The following PTAFR variants were observed in gnomAD, a reference collection of about 807,000 sequenced individuals.
PTAFR encodes platelet activating factor receptor, also known as platelet-activating factor receptor.
PTAFR carries 8 observed loss-of-function variants against 14.7 expected under a neutral mutation model. The ratio of observed to expected loss-of-function variants is 0.54; its 90% CI spans 0.32 to 0.98. The LOEUF is 0.98. PTAFR is among the 50% of genes least tolerant of loss of function. PTAFR has a pLI of 0.04. For missense variants in PTAFR, 337 were observed against 451.2 expected, an observed-to-expected ratio of 0.75 and a Z score of 2.29; for synonymous variants, 156 against 176.5, an observed-to-expected ratio of 0.88 and a Z score of 0.92.
chr1:28,161,982 T>C (rs1284131613), intron 1 of PTAFR, among the ~76,000 whole-genome samples: 3 of 152,082 alleles, frequency 2.0e-5, no homozygotes, highest in African/African-American at 7.2e-5. Flanking sequence ...TGTTCTGAAG[T>C]AGGAACAAGA....
chr1:28,170,482 T>TTGCTTGAGGTCAGGAGTTTAAGACC (rs1553165391), intron 1 of PTAFR, among the ~76,000 whole-genome samples: 3 of 152,038 alleles, frequency 2.0e-5, no homozygotes, highest in African/African-American at 7.2e-5. Flanking sequence ...GGTAAGAGAA[T>TTGCTTGAGGTCAGGAGTTTAAGACC]TGCTTGAGGT....
At chr1:28,170,687 G>A (rs1415121596) in intron 1 of PTAFR, among the ~76,000 whole-genome samples, 1 of 151,568 alleles carries the variant, frequency 6.6e-6, no homozygotes, top group East Asian at 1.9e-4. Flanking sequence ...GGGCAACAGA[G>A]CAAGACCCTA....
At chr1:28,192,840 T>A (rs1410183976) in intron 1 of PTAFR, among the ~76,000 whole-genome samples, 1 of 152,034 alleles carries the variant, frequency 6.6e-6, no homozygotes, top group East Asian at 1.9e-4. Flanking sequence ...AGAAACATGG[T>A]TTCACCATGT....
rs80188723 is a variant in PTAFR, at chr1:28,183,289, G to A, written c.-39+10433C>T. 5.3e-5 allele frequency among the ~76,000 whole-genome samples: 8 copies of A among 152,180 alleles called. No individual in the cohort carries two copies. In the East Asian group the frequency reaches 5.8e-4, roughly 11 times the overall value. ...CTCCAACAACAATGAAGATGCTGGC[G>A]TAAAAGATGCTTATACATTTGTTTC... On this transcript the variant is annotated intron_variant, in intron 1 of 1. Transcript: ENST00000305392.
chr1:28,188,745 C>A (rs904857406), intron 1 of PTAFR, among the ~76,000 whole-genome samples: 6 of 151,706 alleles, frequency 4.0e-5, no homozygotes, highest in East Asian at 1.9e-4. Context: ...AAAACAAAAA[C>A]CAAAAACTGA....
upstream of PTAFR, chr1:28,177,321 G>C (rs1467461125): frequency 6.6e-6 from 1 of 152,400 alleles, no homozygotes; most frequent in African/African-American, 2.4e-5. Flanking sequence ...AGCCACTGTG[G>C]TCAGGGGCAT....
Position 28,151,001 on chromosome 1 carries a change from G to A in PTAFR, c.21C>T (p.Ser7=). The part of the protein sequence containing the change: MEPHDS[S]HMDSEFRYTL... ...TGTATCGGAACTCAGAGTCCATGTG[G>A]GAGGAGTCATGTGGCTCCATTGCTG... Residue 7 remains serine, a synonymous_variant, in exon 2 of 2, where the codon TCC becomes TCT. Coordinates refer to ENST00000373857, the MANE Select transcript of PTAFR (RefSeq NM_000952.5). The A allele has an allele frequency of 6.3e-7, 1 of 1,596,594 alleles. No individual in the cohort carries two copies. Among genetic ancestry groups the A allele is most frequent in the South Asian group, 1.1e-5 (1 of 88,270 alleles).
At chr1:28,162,162 G>A (rs749582788) in intron 1 of PTAFR, among the ~76,000 whole-genome samples, 9 of 152,128 alleles carry the variant, frequency 5.9e-5, no homozygotes, top group Non-Finnish European at 8.8e-5. Flanking sequence ...TAACATGATC[G>A]GACTCGCTCT....
chr1:28,181,407 C>T (rs543879412), upstream of PTAFR, among the ~76,000 whole-genome samples: 4 of 152,246 alleles, frequency 2.6e-5, no homozygotes, highest in Middle Eastern at 3.4e-3. Flanking sequence ...ACTCAACAAA[C>T]GCACATGATA....
intron 1 of PTAFR, among the ~76,000 whole-genome samples, chr1:28,188,872 T>G (rs114054078): frequency 0.022 from 3,417 of 151,922 alleles, 140 homozygotes; most frequent in African/African-American, 0.077. Context: ...AATGAGTCAA[T>G]AAAGGAATAG....
In PTAFR at chr1:28,150,277, G is replaced by A. The variant is rs767634711; in HGVS notation, c.745C>T (p.His249Tyr). 3 of 1,612,112 alleles carry A rather than the reference G, an allele frequency of 1.9e-6. No homozygotes were observed. Among genetic ancestry groups the A allele is most frequent in the South Asian group, 1.1e-5 (1 of 90,986 alleles). ...AGGGTCCAGGGCAGCTGCACCACGT[G>A]GTGGGGCACGAAGCAGATGATGAAC... ...AVFIICFVPH[H>Y]VVQLPWTLAE... is the part of the protein sequence containing the mutation. Residue 249 changes from histidine (H) to tyrosine (Y), a missense_variant, in exon 2 of 2, where the codon CAC (histidine) becomes TAC (tyrosine). Coordinates refer to ENST00000373857, the MANE Select transcript of PTAFR (RefSeq NM_000952.5). This position sits in a 1 kb window ranked among gnomAD's most constrained non-coding sequence, Gnocchi z 6.3.
At chr1:28,180,381 A>T (rs192943850), upstream of PTAFR, among the ~76,000 whole-genome samples, 3,415 of 152,272 alleles carry the variant, frequency 0.022, 138 homozygotes, top group African/African-American at 0.077. Flanking sequence ...CTCTGTCTCA[A>T]AATATATATA....
rs542623694 is a variant in PTAFR, at chr1:28,169,641, C to T, written c.-39+6951G>A. ...CTCAGGTCCCTCACTGAAAATGGAG[C>T]TGATAATACCCAGGCACATACCTCT... On this transcript the variant is annotated intron_variant, in intron 1 of 1. Coordinates refer to ENST00000373857, the MANE Select transcript of PTAFR (RefSeq NM_000952.5). Among the ~76,000 whole-genome samples the T allele has an allele frequency of 2.0e-5, 3 of 152,270 alleles. No individual in the cohort carries two copies. The South Asian group carries it at 6.2e-4, about 32-fold the overall frequency.
Position 28,172,730 on chromosome 1 carries a change from G to A in PTAFR, c.-39+3862C>T, listed in dbSNP as rs552666078. Among the ~76,000 whole-genome samples, 344 of 152,318 alleles carry A rather than the reference G, an allele frequency of 2.3e-3. 2 individuals are homozygous for A. Among genetic ancestry groups the A allele is most frequent in the Non-Finnish European group, 3.6e-3 (246 of 68,020 alleles). ...AGAAGCAACCGGGGTTAGCCGGAGAGAAAGCATAGGAACCGAAACCAGGAG... is the reference window on the plus strand; with the variant it reads ...AGAAGCAACCGGGGTTAGCCGGAGAAAAAGCATAGGAACCGAAACCAGGAG... On this transcript the variant is annotated intron_variant, in intron 1 of 1. Coordinates refer to ENST00000373857, the MANE Select transcript of PTAFR (RefSeq NM_000952.5).
chr1:28,167,756 A>G (rs1646402927), intron 1 of PTAFR, among the ~76,000 whole-genome samples: 1 of 136,228 alleles, frequency 7.3e-6, no homozygotes, highest in South Asian at 2.3e-4. Context: ...AGCGGTTCTC[A>G]GCCTCCCTAG....
At chr1:28,168,814 A>G (rs907900286) in intron 1 of PTAFR, among the ~76,000 whole-genome samples, 4 of 151,986 alleles carry the variant, frequency 2.6e-5, no homozygotes, top group East Asian at 1.9e-4. Context: ...GATTACAGGC[A>G]TGCACCACCA....
intron 1 of PTAFR, among the ~76,000 whole-genome samples, chr1:28,165,931 C>T (rs892686694): frequency 6.6e-6 from 1 of 152,188 alleles, no homozygotes; most frequent in Non-Finnish European, 1.5e-5. Context: ...ACCAAAATCC[C>T]AGTGTAATTT....
rs952319896 is a variant in PTAFR, at chr1:28,176,592, C to T, written c.-39G>A. The T allele has an allele frequency of 6.5e-6, 1 of 152,784 alleles. No homozygotes were observed. Among genetic ancestry groups the T allele is most frequent in the African/African-American group, 2.4e-5 (1 of 41,456 alleles). The allele number at this position is 152,784 out of a possible 1,614,324, so 9.5% of individuals were successfully genotyped here. A position where few individuals can be genotyped will look rare whatever the true frequency, so the allele number is the denominator to read the frequency against. On this transcript the variant is annotated splice_region_variant and 5_prime_UTR_variant, in exon 1 of 2. Transcript: ENST00000373857. The stretch of plus-strand genomic sequence containing the variant: ...AGCAGGGGCCAGGATTCCCCCTTAC[C>T]TGTAGCAGGGGCAGCGGCTTCAGCT...
At chr1:28,186,547 C>G (rs1291761549) in intron 1 of PTAFR, among the ~76,000 whole-genome samples, 1 of 152,106 alleles carries the variant, frequency 6.6e-6, no homozygotes, top group African/African-American at 2.4e-5. Flanking sequence ...TTTTGAAGAA[C>G]AAGGGCATAT....
Sources: gnomAD v4.1 joint callset for allele counts (sites outside exome capture counted in the v4.1 genomes callset) on GRCh38, gnomAD v4.1.1 for gene constraint, Gnocchi (gnomAD v3.1) non-coding constraint, MANE v1.5 for transcripts, NCBI Gene and HGNC (gene_info 2026-07-23, HGNC 2026-07-21) for gene names.